Variants in SPTA1 observed in about 807,000 individuals in gnomAD.
SPTA1 encodes spectrin alpha, erythrocytic 1.
A neutral mutation model predicts 324.7 loss-of-function variants in SPTA1; 177 were observed. That is an observed-to-expected ratio of 0.55 (90% CI 0.48 to 0.62). The LOEUF (loss-of-function observed/expected upper bound fraction) is 0.62, where lower values mean the gene tolerates loss of function less well. Among genes scored for constraint, SPTA1 ranks in the 20% least tolerant of loss-of-function variants. The pLI, the probability that SPTA1 is intolerant of heterozygous loss-of-function variation, is 0.00. For missense variants in SPTA1, 3,162 were observed against 2,883.6 expected (o/e 1.10, Z -2.21); for synonymous variants, 1,195 against 1,041.3 (o/e 1.15, Z -2.84).
chr1:158,671,936 C>T (rs1016667533), intron 11 of SPTA1, 123 bp downstream of exon 11: 1 of 1,276,006 alleles, frequency 7.8e-7, no homozygotes, highest in Admixed American at 1.7e-5. Flanking sequence ...GTGGATCACC[C>T]TTTAGTTCCC....
Position 158,633,556 on chromosome 1 carries a change from G to A in SPTA1, c.5565+987C>T, listed in dbSNP as rs182261300. On this transcript the variant is annotated intron_variant, in intron 39 of 51. Coordinates refer to ENST00000643759, the MANE Select transcript of SPTA1 (RefSeq NM_003126.4). ...GCCGCCTGTAGTCCCAGCTACTCGGGAGGCTGAGGCAGGAGAATGGCATGA... is the reference window on the plus strand; with the variant it reads ...GCCGCCTGTAGTCCCAGCTACTCGGAAGGCTGAGGCAGGAGAATGGCATGA... Among the ~76,000 whole-genome samples, 843 of 151,442 alleles carry A rather than the reference G, an allele frequency of 5.6e-3. 5 individuals are homozygous for A. The highest frequency in any genetic ancestry group is 0.017 in the Middle Eastern group (5 of 294).
intron 29 of SPTA1, among the ~76,000 whole-genome samples, 191 bp from the exon 30 acceptor site, chr1:158,644,587 C>A (rs1261254689): frequency 6.6e-6 from 1 of 152,184 alleles, no homozygotes; most frequent in African/African-American, 2.4e-5. Flanking sequence ...CTTTATGTTT[C>A]TGTATATGCT....
Position 158,681,683 on chromosome 1 carries a change from G to A in SPTA1, c.391-16C>T. 2.5e-6 allele frequency: 4 copies of A among 1,613,376 alleles called. No homozygotes were observed. The highest frequency in any genetic ancestry group is 3.4e-6 in the Non-Finnish European group (4 of 1,179,608). The stretch of plus-strand genomic sequence containing the variant: ...CTATATGGGCCTTTAGGAAAGAGGG[G>A]CAAAACCACTCAGCCACAGACACTG... On this transcript the variant is annotated splice_polypyrimidine_tract_variant and intron_variant, in intron 3 of 51. Coordinates refer to ENST00000643759, the MANE Select transcript of SPTA1 (RefSeq NM_003126.4).
At position 158,619,353 on chromosome 1, in the gene SPTA1, GACA is replaced by G. The variant is rs1470195451; in HGVS notation, c.6418-22_6418-20del. The stretch of plus-strand genomic sequence containing the variant: ...CCCGTTCCTAAAACCCCAAATCACA[GACA>G]ACGTGACTGACATCGAAGGCCTTTC... On this transcript the variant is annotated intron_variant, in intron 44 of 51. Transcript: ENST00000643759. 1 of 1,612,150 alleles carries G rather than the reference GACA, an allele frequency of 6.2e-7. No individual in the cohort carries two copies. The highest frequency in any genetic ancestry group is 2.2e-5 in the East Asian group (1 of 44,868).
chr1:158,666,421 A>T lies in SPTA1; in HGVS notation c.2115T>A (p.Asp705Glu). Reference protein sequence around the residue: ...NAEDLQRWLEDVEWQVTSEDY... With the variant: ...NAEDLQRWLEEVEWQVTSEDY... ...CCTCAGAGGTGACTTGCCACTCAAC[A>T]TCCTCCAGCCAGCGCTGCAAATCTT... Residue 705 changes from aspartate to glutamate, a missense_variant, in exon 16 of 52, where the codon GAT becomes GAA. Asp to Glu is a conservative substitution (Grantham distance 45). Coordinates refer to ENST00000643759, the MANE Select transcript of SPTA1 (RefSeq NM_003126.4). The T allele has an allele frequency of 6.2e-7, 1 of 1,613,680 alleles. No homozygotes were observed. The highest frequency in any genetic ancestry group is 8.5e-7 in the Non-Finnish European group (1 of 1,179,950).
intron 23 of SPTA1, among the ~76,000 whole-genome samples, chr1:158,651,909 C>CTCTCTCTCTCTG (rs972758420): frequency 6.9e-6 from 1 of 145,022 alleles, no homozygotes; most frequent in Non-Finnish European, 1.5e-5. Flanking sequence ...CTCTCTCTCT[C>CTCTCTCTCTCTG]TGTGTGTGTG....
At chr1:158,643,555 A>C in intron 30 of SPTA1, 130 bp from the exon 31 acceptor site, 1 of 890,904 alleles carries the variant, frequency 1.1e-6, no homozygotes, top group Non-Finnish European at 1.8e-6. Flanking sequence ...GTCAAATAAT[A>C]TATGCCTTAC....
At chr1:158,664,044 AAAAATT>A (rs2101895683) in intron 16 of SPTA1, among the ~76,000 whole-genome samples, 1 of 152,310 alleles carries the variant, frequency 6.6e-6, no homozygotes, top group South Asian at 2.1e-4. Context: ...TTCTCCATAA[AAAAATT>A]AAAGGCCTTA....
chr1:158,685,448 C>A (rs1571542191), intron 1 of SPTA1, 101 bp from the exon 2 acceptor site: 1 of 1,529,392 alleles, frequency 6.5e-7, no homozygotes, highest in East Asian at 2.3e-5. Context: ...GACCTATATT[C>A]AGATATCCTG....
Position 158,671,196 on chromosome 1 carries a change from C to T in SPTA1, c.1599+147G>A, listed in dbSNP as rs541695855. The T allele has an allele frequency of 8.4e-5, 57 of 679,840 alleles. No individual in the cohort carries two copies. The South Asian group carries it at 8.6e-4, about 10-fold the overall frequency. 42.1% of individuals were successfully genotyped at this position (679,840 alleles called of 1,614,324 possible). On this transcript the variant is annotated intron_variant, in intron 12 of 51. Transcript: ENST00000643759. ...AAAAACACACAAATAAACACACCAA[C>T]AACGAAAGAAGAGATGCAACTTGAT...
At chr1:158,662,140 C>G (rs963498806) in intron 17 of SPTA1, among the ~76,000 whole-genome samples, 2 of 152,150 alleles carry the variant, frequency 1.3e-5, no homozygotes, top group Non-Finnish European at 2.9e-5. Flanking sequence ...CCAGACTAAA[C>G]CTTTCATTGT....
Position 158,657,697 on chromosome 1 carries a change from A to T in SPTA1, c.2588-3T>A. On this transcript the variant is annotated splice_polypyrimidine_tract_variant and splice_region_variant and intron_variant, in intron 18 of 51. Transcript: ENST00000643759. Reference sequence around the variant, plus strand: ...CACATCTTCTGCAGCAAAGTGTCCTATGGAGTAATTATAGAAAAGGTGAGT... The same window carrying T: ...CACATCTTCTGCAGCAAAGTGTCCTTTGGAGTAATTATAGAAAAGGTGAGT... 6.2e-7 allele frequency: 1 copy of T among 1,613,922 alleles called. No homozygotes were observed. Among genetic ancestry groups the T allele is most frequent in the Non-Finnish European group, 8.5e-7 (1 of 1,179,860 alleles).
At chr1:158,645,639 T>C (rs1180908554) in intron 27 of SPTA1, 45 bp from the exon 28 acceptor site, 6 of 1,591,570 alleles carry the variant, frequency 3.8e-6, no homozygotes, top group African/African-American at 2.7e-5. Flanking sequence ...ACCTTGCAAC[T>C]TGCTACAGTG....
At position 158,662,969 on chromosome 1, in the gene SPTA1, C is replaced by T. The variant is rs138471111; in HGVS notation, c.2221-24G>A. On this transcript the variant is annotated intron_variant, in intron 16 of 51. Transcript: ENST00000643759. Reference sequence around the variant, plus strand: ...TCCTAAGGGAGAAATAGAATGAATGCGAAGAAATCCCATCATTTAGTAGGA... The same window carrying T: ...TCCTAAGGGAGAAATAGAATGAATGTGAAGAAATCCCATCATTTAGTAGGA... 6.6e-3 allele frequency: 10,668 copies of T among 1,613,302 alleles called. 48 individuals are homozygous for T. The highest frequency in any genetic ancestry group is 7.9e-3 in the Non-Finnish European group (9,324 of 1,179,794).
rs3737516 is a variant in SPTA1, at chr1:158,627,952, T to C, written c.5566-229A>G. On this transcript the variant is annotated intron_variant, in intron 39 of 51. Transcript: ENST00000643759. ...AAGAGTCAAAGATATACAAGTGACA[T>C]TCTTTCTAATTTATTATGTGACTAA... Among the ~76,000 whole-genome samples the C allele has an allele frequency of 0.33, 50,426 of 150,568 alleles. 8,764 individuals carry two copies. The highest frequency in any genetic ancestry group is 0.44 in the African/African-American group (17,819 of 40,074).
chr1:158,649,758 G>GA, intron 25 of SPTA1, 98 bp downstream of exon 25: 1 of 1,033,382 alleles, frequency 9.7e-7, no homozygotes. Context: ...TCCATCTCAC[G>GA]AAAAAAGATT....
chr1:158,645,391 G>A lies in SPTA1; in HGVS notation c.3997-6C>T. ...TCCATGTCAGCACGGTGCTCCTGTG[G>A]GAAAAAGGGGGAAGAAATCAGTGAG... is the stretch of plus-strand genomic sequence containing the variant. On this transcript the variant is annotated splice_region_variant and splice_polypyrimidine_tract_variant and intron_variant, in intron 28 of 51. Coordinates refer to ENST00000643759, the MANE Select transcript of SPTA1 (RefSeq NM_003126.4). 1 of 1,613,844 alleles carries A rather than the reference G, an allele frequency of 6.2e-7. No individual in the cohort carries two copies.
intron 16 of SPTA1, 78 bp from the exon 17 acceptor site, chr1:158,663,023 G>C: frequency 6.3e-7 from 1 of 1,593,950 alleles, no homozygotes; most frequent in Non-Finnish European, 8.5e-7. Flanking sequence ...TGGTGGAAAC[G>C]GGGTCATGGG....
intron 8 of SPTA1, 135 bp from the exon 9 acceptor site, chr1:158,674,810 T>G: frequency 8.4e-7 from 1 of 1,188,194 alleles, no homozygotes; most frequent in Non-Finnish European, 1.2e-6. Context: ...TTTTTCCTGA[T>G]TATTTCCTGT....
Sources: gnomAD v4.1 joint callset for allele counts (sites outside exome capture counted in the v4.1 genomes callset) on GRCh38, gnomAD v4.1.1 for gene constraint, MANE v1.5 for transcripts, NCBI Gene and HGNC (gene_info 2026-07-23, HGNC 2026-07-21) for gene names.